The following CCDC170 variants were observed in gnomAD, a reference collection of about 807,000 sequenced individuals.
CCDC170 encodes the protein coiled-coil domain-containing protein 170.
A neutral mutation model predicts 72.6 loss-of-function variants in CCDC170; 69 were observed. The observed-to-expected ratio is 0.95, with a 90% confidence interval of 0.78 to 1.16. CCDC170 has a LOEUF of 1.16. Among genes scored for constraint, CCDC170 ranks in the 50% most tolerant of loss-of-function variants. The probability of loss-of-function intolerance (pLI) is 0.00; values close to 1 mark genes in which losing one functional copy is unlikely to be tolerated. For synonymous variants in CCDC170, 300 were observed against 303.9 expected (o/e 0.99, Z 0.13); for missense variants, 852 against 832.5 (o/e 1.02, Z -0.29).
At position 151,573,407 on chromosome 6, in the gene CCDC170, C is replaced by G; in HGVS notation, c.1008C>G (p.Gly336=). 1 of 1,614,082 alleles carries G rather than the reference C, an allele frequency of 6.2e-7. No homozygotes were observed. Among genetic ancestry groups the G allele is most frequent in the Non-Finnish European group, 8.5e-7 (1 of 1,180,008 alleles). ...AGAAAATCGCAGCCCTCCTTAGGGGCAGATTGAGCATGACTGGGTCCACTG... is the reference window on the plus strand; with the variant it reads ...AGAAAATCGCAGCCCTCCTTAGGGGGAGATTGAGCATGACTGGGTCCACTG... The part of the protein sequence containing the change: ...FREKIAALLR[G]RLSMTGSTED... The change falls in exon 6 of 11, where the codon GGC becomes GGG. Residue 336 remains glycine (G), a synonymous_variant. Coordinates refer to ENST00000239374, the MANE Select transcript of CCDC170 (RefSeq NM_025059.4).
At chr6:151,537,974 G>C in intron 2 of CCDC170, 71 bp from the exon 3 acceptor site, 1 of 1,414,754 alleles carries the variant, frequency 7.1e-7, no homozygotes, top group Non-Finnish European at 9.6e-7. Context: ...TGATGGCTTT[G>C]GGTTTCTTAA....
intron 1 of CCDC170, among the ~76,000 whole-genome samples, chr6:151,528,495 T>C (rs908241797): frequency 6.6e-6 from 1 of 152,122 alleles, no homozygotes; most frequent in African/African-American, 2.4e-5. Flanking sequence ...TTTTTTAAAT[T>C]TAAGAGGGAA....
intron 1 of CCDC170, among the ~76,000 whole-genome samples, chr6:151,507,124 G>A (rs1231459759): frequency 3.9e-5 from 6 of 152,138 alleles, no homozygotes; most frequent in Non-Finnish European, 8.8e-5. Flanking sequence ...GGGATCTGGA[G>A]CCCACACAGA....
chr6:151,526,619 G>A (rs1782415261), intron 1 of CCDC170, among the ~76,000 whole-genome samples: 3 of 149,806 alleles, frequency 2.0e-5, no homozygotes, highest in African/African-American at 2.5e-5. Context: ...GGGTCCAAGC[G>A]ATTCTCCTGC....
At chr6:151,592,789 C>T (rs1051859380) in intron 7 of CCDC170, among the ~76,000 whole-genome samples, 16 of 152,070 alleles carry the variant, frequency 1.1e-4, no homozygotes, top group Admixed American at 2.6e-4. Context: ...AACAAGTTGT[C>T]GAAGCAGAGA....
chr6:151,510,124 C>G (rs1281613133), intron 1 of CCDC170, among the ~76,000 whole-genome samples: 3 of 152,092 alleles, frequency 2.0e-5, no homozygotes, highest in South Asian at 2.1e-4. Context: ...CAAAAACAAA[C>G]AAGCCCATAA....
chr6:151,554,454 G>A (rs1782941200), intron 5 of CCDC170, among the ~76,000 whole-genome samples: 1 of 152,176 alleles, frequency 6.6e-6, no homozygotes, highest in Middle Eastern at 3.2e-3. Context: ...GCCAGGTGCA[G>A]TGGCTCAAGC....
chr6:151,502,824 A>T (rs1047295749), intron 1 of CCDC170, among the ~76,000 whole-genome samples: 1 of 152,180 alleles, frequency 6.6e-6, no homozygotes, highest in Non-Finnish European at 1.5e-5. Context: ...CTCTAAAATG[A>T]GTGCCCATTT....
chr6:151,615,405 A>C (rs774161174), intron 9 of CCDC170, 38 bp from the exon 10 acceptor site: 2 of 1,405,322 alleles, frequency 1.4e-6, no homozygotes, highest in Admixed American at 3.5e-5. Context: ...TCCTAACTAA[A>C]TACAAAAGGA....
chr6:151,550,207 G>A (rs1451718302), intron 5 of CCDC170, among the ~76,000 whole-genome samples: 1 of 151,994 alleles, frequency 6.6e-6, no homozygotes, highest in African/African-American at 2.4e-5. Context: ...AAGCAAAAAC[G>A]AGCTTATACA....
At chr6:151,569,924 C>A (rs1776195211) in intron 5 of CCDC170, among the ~76,000 whole-genome samples, 1 of 152,158 alleles carries the variant, frequency 6.6e-6, no homozygotes, top group African/African-American at 2.4e-5. Flanking sequence ...ACCCAACTTG[C>A]TCACAGACAC....
intron 9 of CCDC170, among the ~76,000 whole-genome samples, chr6:151,611,681 G>A (rs936264770): frequency 6.6e-6 from 1 of 152,108 alleles, no homozygotes; most frequent in African/African-American, 2.4e-5. Flanking sequence ...GCCTTAAGAA[G>A]TTCTATGGGT....
At chr6:151,607,387 G>T (rs530539333) in intron 9 of CCDC170, among the ~76,000 whole-genome samples, 1 of 151,500 alleles carries the variant, frequency 6.6e-6, no homozygotes, top group Non-Finnish European at 1.5e-5. Flanking sequence ...GTTTATCTTC[G>T]CAGTTTGCAG....
intron 6 of CCDC170, among the ~76,000 whole-genome samples, chr6:151,581,152 C>T (rs1056801775): frequency 7.2e-5 from 11 of 152,184 alleles, no homozygotes; most frequent in Admixed American, 1.3e-4. Context: ...AAGACAACAA[C>T]GTAGTTGAAA....
intron 1 of CCDC170, among the ~76,000 whole-genome samples, chr6:151,505,671 G>A (rs1311372676): frequency 4.0e-5 from 6 of 151,738 alleles, no homozygotes; most frequent in Non-Finnish European, 5.9e-5. Flanking sequence ...GCGACAAAGC[G>A]AGACTCCGTC....
intron 1 of CCDC170, among the ~76,000 whole-genome samples, chr6:151,519,555 TTAAAG>T (rs1271466912): frequency 4.6e-5 from 7 of 152,334 alleles, no homozygotes; most frequent in African/African-American, 1.4e-4. Context: ...GATTGAGAGA[TTAAAG>T]TAAAGACAGG....
At position 151,538,278 on chromosome 6, in the gene CCDC170, TG is replaced by T; in HGVS notation, c.421del (p.Val141Ter). On this transcript the variant is annotated frameshift_variant, in exon 3 of 11. Transcript: ENST00000239374. LOFTEE classifies it high-confidence loss of function. ...KENQELKKKV[V>X]ELNEKLQKCS... is the part of the protein sequence containing the mutation. ...AGAACCAGGAATTAAAGAAGAAAGT[TG>T]TAGAGTTAAATGAAAAATTACAGTA... 6.2e-7 allele frequency: 1 copy of T among 1,613,492 alleles called. No individual in the cohort carries two copies. The highest frequency in any genetic ancestry group is 8.5e-7 in the Non-Finnish European group (1 of 1,179,812).
intron 7 of CCDC170, among the ~76,000 whole-genome samples, chr6:151,589,984 C>T (rs1008327014): frequency 3.3e-5 from 5 of 152,120 alleles, no homozygotes; most frequent in African/African-American, 9.7e-5. Flanking sequence ...ACTCGTCTGG[C>T]GTCCTCCAGC....
At chr6:151,498,681 C>G (rs527979561) in intron 1 of CCDC170, among the ~76,000 whole-genome samples, 1 of 151,944 alleles carries the variant, frequency 6.6e-6, no homozygotes. Flanking sequence ...TCTAGGCATG[C>G]TGTATAAGTG....
Sources: gnomAD v4.1 joint callset for allele counts (sites outside exome capture counted in the v4.1 genomes callset) on GRCh38, gnomAD v4.1.1 for gene constraint, MANE v1.5 for transcripts, NCBI Gene and HGNC (gene_info 2026-07-23, HGNC 2026-07-21) for gene names.